Variants in IMMP2L observed in about 807,000 individuals in gnomAD.
IMMP2L encodes inner mitochondrial membrane peptidase subunit 2.
In IMMP2L, 18 loss-of-function variants were observed where a neutral mutation model predicts 19.3. That is an observed-to-expected ratio of 0.93 (90% CI 0.64 to 1.38). IMMP2L has a LOEUF of 1.38. Ranked by LOEUF, IMMP2L falls within the 40% of genes most tolerant of loss-of-function variation. The pLI is 0.00. For missense variants in IMMP2L, 233 were observed against 218.2 expected, an observed-to-expected ratio of 1.07 and a Z score of -0.43; for synonymous variants, 76 against 73.0, an observed-to-expected ratio of 1.04 and a Z score of -0.21.
At chr7:110,699,871 A>C (rs778649319) in intron 5 of IMMP2L, among the ~76,000 whole-genome samples, 1 of 152,156 alleles carries the variant, frequency 6.6e-6, no homozygotes, top group Non-Finnish European at 1.5e-5. Flanking sequence ...AAGAAGAAAA[A>C]AACCATGTTA....
chr7:110,798,618 G>T (rs1801028600), intron 5 of IMMP2L, among the ~76,000 whole-genome samples: 1 of 151,930 alleles, frequency 6.6e-6, no homozygotes, highest in East Asian at 1.9e-4. Context: ...TGAGATTAAT[G>T]CTAGAAAACT....
chr7:111,307,128 C>A (rs570938347), intron 3 of IMMP2L, among the ~76,000 whole-genome samples: 7 of 151,348 alleles, frequency 4.6e-5, no homozygotes, highest in African/African-American at 1.7e-4. Context: ...CTCTATTATA[C>A]AATCTTAAAT....
intron 3 of IMMP2L, among the ~76,000 whole-genome samples, chr7:111,321,227 A>G (rs1824673439): frequency 1.3e-5 from 2 of 151,974 alleles, no homozygotes; most frequent in Admixed American, 1.3e-4. Flanking sequence ...AATACCAAAA[A>G]AGCATCTGTC....
chr7:110,866,065 G>A (rs979726347), intron 5 of IMMP2L, among the ~76,000 whole-genome samples: 1 of 151,946 alleles, frequency 6.6e-6, no homozygotes, highest in Non-Finnish European at 1.5e-5. Context: ...TGACCTTTGA[G>A]TAATAATTTA....
At chr7:110,933,505 AAC>A (rs1418731164) in intron 4 of IMMP2L, among the ~76,000 whole-genome samples, 1 of 149,200 alleles carries the variant, frequency 6.7e-6, no homozygotes, top group South Asian at 2.1e-4. Flanking sequence ...TATGATATTA[AAC>A]AAGAGAAATT....
chr7:111,039,714 A>T (rs560603149), intron 3 of IMMP2L, among the ~76,000 whole-genome samples: 61 of 152,308 alleles, frequency 4.0e-4, no homozygotes, highest in African/African-American at 1.4e-3. Flanking sequence ...GTTCACAAAA[A>T]TATGAAACTC....
In IMMP2L at chr7:111,038,177, G is replaced by A. The variant is rs138272720; in HGVS notation, c.240-74612C>T. Among the ~76,000 whole-genome samples, 786 of 152,230 alleles carry A rather than the reference G, an allele frequency of 5.2e-3. 5 individuals are homozygous for A. The highest frequency in any genetic ancestry group is 0.01 in the South Asian group (50 of 4,820). ...GAGGAGAGCCTGTGGCCACCTAAAA[G>A]TACTGACAGAATTTAAAAGGCAAAG... On this transcript the variant is annotated intron_variant, in intron 3 of 5. Transcript: ENST00000405709.
intron 3 of IMMP2L, among the ~76,000 whole-genome samples, chr7:111,453,426 C>G (rs923690608): frequency 6.6e-6 from 1 of 152,148 alleles, no homozygotes; most frequent in African/African-American, 2.4e-5. Flanking sequence ...TTCACAAAAG[C>G]CCGTTAGAAA....
intron 2 of IMMP2L, among the ~76,000 whole-genome samples, chr7:111,505,645 A>G (rs1844810380): frequency 2.0e-5 from 3 of 152,290 alleles, no homozygotes; most frequent in African/African-American, 7.2e-5. Context: ...CAGCCATAAA[A>G]AATGATGAGT....
chr7:111,220,781 C>T (rs1055498154), intron 3 of IMMP2L, among the ~76,000 whole-genome samples: 1 of 151,958 alleles, frequency 6.6e-6, no homozygotes, highest in Non-Finnish European at 1.5e-5. Context: ...AGTCTGAAGA[C>T]CTGAGAACCA....
intron 3 of IMMP2L, among the ~76,000 whole-genome samples, chr7:111,167,884 T>C (rs980385778): frequency 6.6e-6 from 1 of 151,980 alleles, no homozygotes; most frequent in Non-Finnish European, 1.5e-5. Flanking sequence ...AATTCTTTCA[T>C]GAACCGGAAT....
chr7:111,320,861 T>TC (rs1584611770), intron 3 of IMMP2L, among the ~76,000 whole-genome samples: 1 of 151,928 alleles, frequency 6.6e-6, no homozygotes, highest in Admixed American at 6.6e-5. Context: ...TTGTTCTTCC[T>TC]CCCCCAATCA....
intron 1 of IMMP2L, among the ~76,000 whole-genome samples, chr7:111,526,282 T>C (rs1563312407): frequency 6.6e-6 from 1 of 152,174 alleles, no homozygotes; most frequent in Non-Finnish European, 1.5e-5. Context: ...CATTTATATG[T>C]GCACATAAAA....
intron 3 of IMMP2L, among the ~76,000 whole-genome samples, chr7:111,415,205 G>A (rs1484658778): frequency 2.0e-5 from 3 of 151,652 alleles, no homozygotes; most frequent in Non-Finnish European, 4.4e-5. Context: ...CTTACAGGAG[G>A]GGACCTCTAG....
chr7:111,153,253 C>T (rs1261816602), intron 3 of IMMP2L, among the ~76,000 whole-genome samples: 1 of 152,054 alleles, frequency 6.6e-6, no homozygotes, highest in East Asian at 1.9e-4. Context: ...GGTATTCAAA[C>T]TTCACTGTCA....
intron 4 of IMMP2L, among the ~76,000 whole-genome samples, chr7:110,906,583 C>A (rs572770464): frequency 3.9e-5 from 6 of 152,218 alleles, no homozygotes; most frequent in African/African-American, 1.4e-4. Flanking sequence ...GTATGAACAG[C>A]GCTTCGGAAC....
In IMMP2L at chr7:111,008,880, T is replaced by C. The variant is rs1028789841; in HGVS notation, c.240-45315A>G. The stretch of plus-strand genomic sequence containing the variant: ...AGAATGAATTAGGTATTTCCAGAAA[T>C]TGAATAGGAAATTCTAAACAAAAGC... On this transcript the variant is annotated intron_variant, in intron 3 of 5. Coordinates refer to ENST00000405709, the MANE Select transcript of IMMP2L (RefSeq NM_032549.4). Among the ~76,000 whole-genome samples the C allele has an allele frequency of 4.6e-5, 7 of 152,206 alleles. No homozygotes were observed. In the South Asian group the frequency reaches 8.3e-4, roughly 18 times the overall value.
chr7:111,301,361 G>GT (rs1220939643), intron 3 of IMMP2L, among the ~76,000 whole-genome samples: 3,324 of 139,238 alleles, frequency 0.024, 69 homozygotes, highest in African/African-American at 0.057. Context: ...TGTTTGTTTT[G>GT]TTTTTTTTTT....
intron 3 of IMMP2L, among the ~76,000 whole-genome samples, chr7:111,012,857 G>T (rs1825112477): frequency 1.3e-5 from 2 of 152,266 alleles, no homozygotes; most frequent in South Asian, 4.1e-4. Flanking sequence ...GTTCAAGCTT[G>T]TTGGGAGTTA....
Sources: allele counts gnomAD v4.1 joint callset (sites outside exome capture counted in the v4.1 genomes callset), GRCh38; gene constraint gnomAD v4.1.1; transcripts MANE v1.5; gene names NCBI Gene and HGNC (gene_info 2026-07-23, HGNC 2026-07-21).